LZTFL1: variants seen among roughly 807,000 people sequenced by gnomAD.
LZTFL1 encodes the protein leucine zipper transcription factor like 1, also known as leucine zipper transcription factor-like protein 1.
A neutral mutation model predicts 45.9 loss-of-function variants in LZTFL1; 25 were observed. The observed-to-expected ratio is 0.54, with a 90% CI of 0.40 to 0.76. The LOEUF is 0.76. Ranked by LOEUF, LZTFL1 falls within the 30% of genes least tolerant of loss-of-function variation. LZTFL1 has a pLI of 0.00. For missense variants in LZTFL1, 277 were observed against 331.1 expected (o/e 0.84, Z 1.27); for synonymous variants, 93 against 117.4 (o/e 0.79, Z 1.35).
chr3:45,866,490 C>G (rs960894943), intron 2 of LZTFL1, among the ~76,000 whole-genome samples: 1 of 152,214 alleles, frequency 6.6e-6, no homozygotes, highest in East Asian at 1.9e-4. Context: ...CTGCCTGATT[C>G]ACCAGCCGTA....
intron 2 of LZTFL1, among the ~76,000 whole-genome samples, chr3:45,861,959 A>G (rs550671605): frequency 4.7e-4 from 71 of 152,266 alleles, no homozygotes; most frequent in African/African-American, 1.7e-3. Flanking sequence ...TTGTCAAAGT[A>G]TTTTATTCCC....
chr3:45,887,702 T>C (rs1702024824), intron 2 of LZTFL1, among the ~76,000 whole-genome samples: 1 of 152,216 alleles, frequency 6.6e-6, no homozygotes, highest in South Asian at 2.1e-4. Context: ...TTCCAATATC[T>C]GCTTATCTGT....
intron 2 of LZTFL1, among the ~76,000 whole-genome samples, chr3:45,876,654 A>G (rs546254730): frequency 6.6e-6 from 1 of 152,222 alleles, no homozygotes; most frequent in African/African-American, 2.4e-5. Flanking sequence ...CAATCCCTTG[A>G]AGGGGGTAGT....
chr3:45,885,828 C>T (rs1312429656), intron 2 of LZTFL1, among the ~76,000 whole-genome samples: 1 of 152,224 alleles, frequency 6.6e-6, no homozygotes, highest in Non-Finnish European at 1.5e-5. Context: ...CCTTCCACCT[C>T]AGCTTCCCTG....
intron 2 of LZTFL1, among the ~76,000 whole-genome samples, chr3:45,910,538 C>G (rs750630716): frequency 2.6e-5 from 4 of 152,140 alleles, no homozygotes; most frequent in African/African-American, 4.8e-5. Flanking sequence ...CTAGGAGCAG[C>G]TTCCCAGGCA....
chr3:45,834,397 G>T, intron 3 of LZTFL1, 99 bp from the exon 4 acceptor site: 1 of 733,892 alleles, frequency 1.4e-6, no homozygotes, highest in Non-Finnish European at 2.3e-6. Flanking sequence ...TTACATGCCA[G>T]AGAGAACAGA....
At chr3:45,893,232 G>A (rs147724028) in intron 2 of LZTFL1, among the ~76,000 whole-genome samples, 2 of 151,294 alleles carry the variant, frequency 1.3e-5, no homozygotes, top group East Asian at 3.9e-4. Context: ...TTGGCTCACT[G>A]CAACCTCTGC....
At chr3:45,850,344 T>C (rs750433599) in intron 4 of LZTFL1, among the ~76,000 whole-genome samples, 5 of 152,144 alleles carry the variant, frequency 3.3e-5, no homozygotes, top group Non-Finnish European at 7.4e-5. Context: ...AGGACATGCA[T>C]GAGTATGCAG....
chr3:45,859,611 T>C (rs1701448799), intron 2 of LZTFL1, among the ~76,000 whole-genome samples: 2 of 151,364 alleles, frequency 1.3e-5, no homozygotes, highest in African/African-American at 4.9e-5. Context: ...TGAATGAAAG[T>C]GGATCTTTCA....
intron 8 of LZTFL1, 92 bp downstream of exon 8, chr3:45,828,347 G>T: frequency 1.8e-6 from 2 of 1,103,532 alleles, no homozygotes; most frequent in Non-Finnish European, 2.6e-6. Flanking sequence ...ATTTGCAGTT[G>T]TCCAACGTTT....
intron 2 of LZTFL1, among the ~76,000 whole-genome samples, chr3:45,877,564 C>T (rs1701769327): frequency 6.6e-6 from 1 of 151,822 alleles, no homozygotes; most frequent in South Asian, 2.1e-4. Flanking sequence ...GGACACCTGC[C>T]CACAGAACTC....
At chr3:45,859,130 A>G (rs934120086) in intron 2 of LZTFL1, 8 of 152,232 alleles carry the variant, frequency 5.3e-5, no homozygotes, top group African/African-American at 1.9e-4. Flanking sequence ...ACAACATGTA[A>G]GGCAGAAATG....
chr3:45,897,569 AG>A, intron 2 of LZTFL1: 19 of 1,535,386 alleles, frequency 1.2e-5, no homozygotes, highest in Non-Finnish European at 1.6e-5. Context: ...AGTCTCCTCC[AG>A]GCCCCGCTCC....
chr3:45,828,162 G>C (rs1346703725), intron 8 of LZTFL1, among the ~76,000 whole-genome samples: 1 of 152,140 alleles, frequency 6.6e-6, no homozygotes, highest in Non-Finnish European at 1.5e-5. Context: ...CAACATGGTG[G>C]GATGTAGGGC....
intron 3 of LZTFL1, among the ~76,000 whole-genome samples, chr3:45,857,470 A>C (rs1253636666): frequency 6.6e-6 from 1 of 152,204 alleles, no homozygotes; most frequent in East Asian, 1.9e-4. Context: ...ACCATGGCAC[A>C]CGTTTACTTG....
intron 2 of LZTFL1, chr3:45,902,527 C>T (rs2125764540): frequency 6.0e-6 from 1 of 167,306 alleles, no homozygotes; most frequent in Admixed American, 6.5e-5. Flanking sequence ...CAGTGAACCC[C>T]TGGACAACTG....
At position 45,833,950 on chromosome 3, in the gene LZTFL1, A is replaced by G. The variant is rs1474030008; in HGVS notation, c.384+288T>C. On this transcript the variant is annotated intron_variant, in intron 4 of 9. Coordinates refer to ENST00000296135, the MANE Select transcript of LZTFL1 (RefSeq NM_020347.4). ...TATACCCAGGTGTGGCTGACCCTAC[A>G]GCCTGCGCTCTGAATCTTCTGAGTA... 3.3e-5 allele frequency among the ~76,000 whole-genome samples: 5 copies of G among 152,244 alleles called. No homozygotes were observed. The East Asian group carries it at 9.6e-4, about 29-fold the overall frequency.
Position 45,896,992 on chromosome 3 carries a change from G to A in LZTFL1, c.-215+16128C>T, listed in dbSNP as rs147753307. On this transcript the variant is annotated intron_variant, in intron 2 of 4. Transcript: ENST00000472635. Reference sequence around the variant, plus strand: ...GCTCTGGGACCTTCTTCCTGCTCTGGGTGTTCACAACTGGGACGCCTGGGC... The same window carrying A: ...GCTCTGGGACCTTCTTCCTGCTCTGAGTGTTCACAACTGGGACGCCTGGGC... Among the ~76,000 whole-genome samples, 194 of 152,292 alleles carry A rather than the reference G, an allele frequency of 1.3e-3. 1 individual carries two copies. The highest frequency in any genetic ancestry group is 0.01 in the Middle Eastern group (3 of 294).
chr3:45,873,888 T>C (rs990592469), intron 2 of LZTFL1, among the ~76,000 whole-genome samples: 8 of 152,214 alleles, frequency 5.3e-5, no homozygotes, highest in East Asian at 1.9e-4. Context: ...TCTAATCTAA[T>C]ATAACCTTTG....
Sources: allele counts gnomAD v4.1 joint callset (sites outside exome capture counted in the v4.1 genomes callset), GRCh38; gene constraint gnomAD v4.1.1; transcripts MANE v1.5; gene names NCBI Gene and HGNC (gene_info 2026-07-23, HGNC 2026-07-21).